CNTN1: variants seen among roughly 807,000 people sequenced by gnomAD.
CNTN1 encodes contactin 1, also known as contactin-1.
CNTN1 carries 38 observed loss-of-function variants against 126.4 expected under a neutral mutation model. That is an observed-to-expected ratio of 0.30 (90% CI 0.23 to 0.39). The LOEUF (loss-of-function observed/expected upper bound fraction) is 0.39. Among genes scored for constraint, CNTN1 ranks in the 10% least tolerant of loss-of-function variants. The pLI is 1.00. For missense variants in CNTN1, 1,009 were observed against 1,248.4 expected, an observed-to-expected ratio of 0.81 and a Z score of 2.89; for synonymous variants, 413 against 422.6, an observed-to-expected ratio of 0.98 and a Z score of 0.28.
chr12:40,703,966 C>T (rs908721227), intron 1 of CNTN1, among the ~76,000 whole-genome samples: 2 of 152,120 alleles, frequency 1.3e-5, no homozygotes, highest in African/African-American at 4.8e-5. Flanking sequence ...TGGGTGCCAA[C>T]ATGCTAGGGG....
intron 15 of CNTN1, among the ~76,000 whole-genome samples, chr12:40,970,234 G>T (rs185347912): frequency 2.0e-4 from 30 of 152,008 alleles, no homozygotes; most frequent in Admixed American, 1.9e-3. Flanking sequence ...ACTGTTCACA[G>T]CACCCCCTTT....
At chr12:41,042,984 T>C (rs1205952343) in intron 23 of CNTN1, among the ~76,000 whole-genome samples, 3 of 152,174 alleles carry the variant, frequency 2.0e-5, no homozygotes, top group Non-Finnish European at 4.4e-5. Context: ...CTTTACACCT[T>C]ATACAAAAAT....
intron 1 of CNTN1, among the ~76,000 whole-genome samples, chr12:40,706,758 A>T (rs1941751453): frequency 6.6e-6 from 1 of 152,208 alleles, no homozygotes; most frequent in South Asian, 2.1e-4. Context: ...TATGATCATG[A>T]TAATATATGT....
intron 23 of CNTN1, among the ~76,000 whole-genome samples, chr12:41,041,125 G>A (rs201530790): frequency 0.12 from 17,756 of 150,914 alleles, 1,041 homozygotes; most frequent in Non-Finnish European, 0.15. Flanking sequence ...TTAGCATGAA[G>A]GGTTGTTGAA....
chr12:40,902,920 C>G (rs1202140804), intron 1 of CNTN1, among the ~76,000 whole-genome samples: 1 of 151,766 alleles, frequency 6.6e-6, no homozygotes, highest in East Asian at 1.9e-4. Context: ...CTAGTGTTGT[C>G]TAAAGGAAAG....
intron 1 of CNTN1, among the ~76,000 whole-genome samples, chr12:40,768,811 T>C (rs948890039): frequency 2.6e-5 from 4 of 152,204 alleles, no homozygotes. Flanking sequence ...GAGCAAGAAA[T>C]AATCTCTAGT....
At chr12:40,747,036 C>G (rs540900755) in intron 1 of CNTN1, among the ~76,000 whole-genome samples, 7 of 152,156 alleles carry the variant, frequency 4.6e-5, no homozygotes, top group African/African-American at 1.7e-4. Context: ...CTCTCCTGCC[C>G]CACTCCTACC....
chr12:40,844,025 G>T (rs1246978006), intron 1 of CNTN1, among the ~76,000 whole-genome samples: 1 of 134,994 alleles, frequency 7.4e-6, no homozygotes, highest in East Asian at 2.4e-4. Flanking sequence ...TGTTAATTTT[G>T]TAATAAATGC....
intron 1 of CNTN1, among the ~76,000 whole-genome samples, chr12:40,860,537 C>A (rs1330101323): frequency 3.3e-5 from 5 of 152,070 alleles, no homozygotes; most frequent in Admixed American, 1.3e-4. Context: ...TTGCAGGCTC[C>A]CACGACATCT....
At chr12:40,903,782 T>C (rs1218743373) in intron 1 of CNTN1, among the ~76,000 whole-genome samples, 1 of 152,186 alleles carries the variant, frequency 6.6e-6, no homozygotes, top group Admixed American at 6.5e-5. Context: ...AAAGATAGCA[T>C]GGAATAACAC....
chr12:40,811,283 T>G (rs1441471524), intron 1 of CNTN1, among the ~76,000 whole-genome samples: 1 of 152,232 alleles, frequency 6.6e-6, no homozygotes, highest in Non-Finnish European at 1.5e-5. Flanking sequence ...GCTGGTATTT[T>G]ATACAGGCAA....
intron 1 of CNTN1, among the ~76,000 whole-genome samples, chr12:40,813,653 A>G (rs1479538359): frequency 1.3e-5 from 2 of 152,200 alleles, no homozygotes; most frequent in Non-Finnish European, 2.9e-5. Flanking sequence ...TGCAATAAAC[A>G]TACATTTGCA....
At position 41,025,390 on chromosome 12, in the gene CNTN1, C is replaced by T. The variant is rs568259293; in HGVS notation, c.2710+54C>T. On this transcript the variant is annotated intron_variant, in intron 21 of 23. Coordinates refer to ENST00000551295, the MANE Select transcript of CNTN1 (RefSeq NM_001843.4). ...GTCAAAAACTACCACTGGATTCAATCATGATACGAATATATTTGAAGGAAA... is the reference window on the plus strand; with the variant it reads ...GTCAAAAACTACCACTGGATTCAATTATGATACGAATATATTTGAAGGAAA... The T allele has an allele frequency of 1.6e-5, 25 of 1,547,318 alleles. No homozygotes were observed. The East Asian group carries it at 5.4e-4, about 34-fold the overall frequency.
intron 1 of CNTN1, among the ~76,000 whole-genome samples, chr12:40,891,197 G>A (rs189116492): frequency 9.2e-5 from 14 of 152,190 alleles, no homozygotes; most frequent in Admixed American, 7.8e-4. Context: ...AATTTTGACC[G>A]TTTTCTAGTT....
At chr12:41,061,414 C>T (rs1949936267) in intron 23 of CNTN1, among the ~76,000 whole-genome samples, 1 of 152,088 alleles carries the variant, frequency 6.6e-6, no homozygotes, top group Non-Finnish European at 1.5e-5. Flanking sequence ...GATAAGCTGC[C>T]AGAAAACCAT....
intron 17 of CNTN1, among the ~76,000 whole-genome samples, chr12:41,001,531 T>G (rs1284851008): frequency 1.3e-5 from 2 of 152,200 alleles, no homozygotes; most frequent in Admixed American, 6.5e-5. Flanking sequence ...GCAAAATTTT[T>G]TTCCCATTCT....
chr12:41,018,729 T>C (rs11179509), intron 19 of CNTN1, among the ~76,000 whole-genome samples: 11,380 of 151,968 alleles, frequency 0.075, 625 homozygotes, highest in East Asian at 0.25. Flanking sequence ...TATGTGTGTA[T>C]TTTTTTACTT....
In CNTN1 at chr12:40,787,139, A is replaced by G. The variant is rs540061811; in HGVS notation, c.-77+94547A>G. 1.4e-3 allele frequency among the ~76,000 whole-genome samples: 215 copies of G among 152,294 alleles called. 2 individuals carry two copies. Among genetic ancestry groups the G allele is most frequent in the African/African-American group, 5.0e-3 (209 of 41,578 alleles). On this transcript the variant is annotated intron_variant, in intron 1 of 23. Coordinates refer to ENST00000551295, the MANE Select transcript of CNTN1 (RefSeq NM_001843.4). ...TTTTTCCAATTTAGAAGTTGTAAGTATAAAGTCATACTGTTCATCTTATTT... is the reference window on the plus strand; with the variant it reads ...TTTTTCCAATTTAGAAGTTGTAAGTGTAAAGTCATACTGTTCATCTTATTT...
Position 40,711,950 on chromosome 12 carries a change from C to T in CNTN1, c.-77+19358C>T, listed in dbSNP as rs530233069. On this transcript the variant is annotated intron_variant, in intron 1 of 23. Transcript: ENST00000551295. ...TTCCAAGCTGTTCTCTAACTCCTGG[C>T]CTGAAGTGATTGTCTTGTCTCAGTT... 4.6e-5 allele frequency among the ~76,000 whole-genome samples: 7 copies of T among 152,160 alleles called. No individual in the cohort carries two copies. The East Asian group carries it at 1.4e-3, about 29-fold the overall frequency.
Sources: allele counts gnomAD v4.1 joint callset (sites outside exome capture counted in the v4.1 genomes callset), GRCh38; gene constraint gnomAD v4.1.1; transcripts MANE v1.5; gene names NCBI Gene and HGNC (gene_info 2026-07-23, HGNC 2026-07-21).